DGKE: variants seen among roughly 807,000 people sequenced by gnomAD.
DGKE encodes diacylglycerol kinase epsilon.
In DGKE, 53 loss-of-function variants were observed where a neutral mutation model predicts 70.0. That is an observed-to-expected ratio of 0.76 (90% CI 0.61 to 0.95). The LOEUF is 0.95. Ranked by LOEUF, DGKE falls within the 40% of genes least tolerant of loss-of-function variation. The pLI is 0.00. For missense variants in DGKE, 655 were observed against 706.9 expected (o/e 0.93, Z 0.83); for synonymous variants, 291 against 257.0 (o/e 1.13, Z -1.27).
At position 56,844,023 on chromosome 17, in the gene DGKE, A is replaced by G. The variant is rs1907143226; in HGVS notation, c.469A>G (p.Ile157Val). The G allele has an allele frequency of 1.3e-6, 2 of 1,538,352 alleles. No homozygotes were observed. Among genetic ancestry groups the G allele is most frequent in the Non-Finnish European group, 1.7e-6 (2 of 1,150,450 alleles). Residue 157 changes from isoleucine (I) to valine (V), a missense_variant, in exon 3 of 12, where the codon ATT becomes GTT. Coordinates refer to ENST00000284061, the MANE Select transcript of DGKE (RefSeq NM_003647.3). ...CTTGTTTCTTCCTTCCCTCAGGTGCATTTGGTGCCAGAAAACAGTACATGA... is the reference window on the plus strand; with the variant it reads ...CTTGTTTCTTCCTTCCCTCAGGTGCGTTTGGTGCCAGAAAACAGTACATGA... ...CQPKLCDYRC[I>V]WCQKTVHDEC...
intron 8 of DGKE, among the ~76,000 whole-genome samples, chr17:56,857,539 C>T (rs539590786): frequency 1.3e-5 from 2 of 152,192 alleles, no homozygotes; most frequent in South Asian, 2.1e-4. Flanking sequence ...AAATAGTTCC[C>T]TTTTATTAAT....
intron 7 of DGKE, among the ~76,000 whole-genome samples, chr17:56,853,504 A>C (rs1458926933): frequency 6.6e-6 from 1 of 152,084 alleles, no homozygotes; most frequent in Non-Finnish European, 1.5e-5. Flanking sequence ...GTTGATTTTC[A>C]TTGTTCTGCA....
intron 2 of DGKE, among the ~76,000 whole-genome samples, chr17:56,842,291 C>G (rs62072685): frequency 1.5e-4 from 23 of 152,030 alleles, no homozygotes; most frequent in Non-Finnish European, 3.1e-4. Context: ...ACAAGTAGTT[C>G]ATGTTTATAT....
chr17:56,861,786 T>G lies in DGKE; in HGVS notation c.1285-5T>G, dbSNP rs755954770. 2 of 1,611,216 alleles carry G rather than the reference T, an allele frequency of 1.2e-6. No individual in the cohort carries two copies. Among genetic ancestry groups the G allele is most frequent in the Non-Finnish European group, 1.7e-6 (2 of 1,179,396 alleles). ...TAGTCACTATCTATTTGTATTTCTT[T>G]AAAGCTAGAACTGGATGGTGAGCGA... On this transcript the variant is annotated splice_region_variant and splice_polypyrimidine_tract_variant and intron_variant, in intron 9 of 11. Transcript: ENST00000284061.
At chr17:56,848,639 T>C (rs1907456729) in intron 5 of DGKE, 57 bp from the exon 6 acceptor site, 8 of 1,570,192 alleles carry the variant, frequency 5.1e-6, no homozygotes, top group South Asian at 4.5e-5. Flanking sequence ...TTACAAAATA[T>C]TATTACCCAG....
At chr17:56,849,432 C>A (rs1411429946) in intron 7 of DGKE, among the ~76,000 whole-genome samples, 200 bp downstream of exon 7, 1 of 152,094 alleles carries the variant, frequency 6.6e-6, no homozygotes, top group Non-Finnish European at 1.5e-5. Flanking sequence ...CTTAGTTCTG[C>A]CCTAGCTGAG....
chr17:56,837,299 A>G (rs942905468), intron 2 of DGKE, among the ~76,000 whole-genome samples: 22 of 152,120 alleles, frequency 1.4e-4, no homozygotes, highest in Non-Finnish European at 2.9e-5. Flanking sequence ...TGGTTTTAAC[A>G]GGCCCTACAG....
chr17:56,848,918 G>T (rs555687197), intron 6 of DGKE, 65 bp downstream of exon 6: 1 of 1,586,302 alleles, frequency 6.3e-7, no homozygotes, highest in East Asian at 2.2e-5. Context: ...AACAAGTGAA[G>T]ACTTGTGTAG....
intron 7 of DGKE, 109 bp from the exon 8 acceptor site, chr17:56,856,403 G>A (rs1266155694): frequency 8.0e-7 from 1 of 1,243,524 alleles, no homozygotes; most frequent in Non-Finnish European, 1.1e-6. Context: ...AGTAAATGCA[G>A]AAAGCATCTC....
chr17:56,859,198 G>A (rs184520120), intron 9 of DGKE, among the ~76,000 whole-genome samples: 1,657 of 150,976 alleles, frequency 0.011, 32 homozygotes, highest in African/African-American at 0.038. Context: ...GGTGGCGGGC[G>A]CCTGTAGTCC....
At position 56,856,494 on chromosome 17, in the gene DGKE, T is replaced by C. The variant is rs1042383633; in HGVS notation, c.1099-18T>C. On this transcript the variant is annotated intron_variant, in intron 7 of 11. Transcript: ENST00000284061. ...GGTGGAACCATAGTCTGTTGCTTAT[T>C]CTTACCCTTTCTCACAGGAATTCAC... 6 of 1,609,324 alleles carry C rather than the reference T, an allele frequency of 3.7e-6. No homozygotes were observed. The highest frequency in any genetic ancestry group is 4.2e-6 in the Non-Finnish European group (5 of 1,177,662).
chr17:56,852,983 T>C (rs1258689993), intron 7 of DGKE, among the ~76,000 whole-genome samples: 2 of 152,226 alleles, frequency 1.3e-5, no homozygotes. Flanking sequence ...CCCATGAGCA[T>C]TTCCTCTGAG....
intron 8 of DGKE, among the ~76,000 whole-genome samples, chr17:56,857,522 A>G (rs1423424415): frequency 2.0e-5 from 3 of 152,182 alleles, no homozygotes; most frequent in Admixed American, 6.5e-5. Flanking sequence ...AAATATTTCA[A>G]ATTTTGAAAT....
Position 56,853,718 on chromosome 17 carries a change from C to G in DGKE, c.1099-2794C>G, listed in dbSNP as rs1421798962. 3.9e-5 allele frequency among the ~76,000 whole-genome samples: 6 copies of G among 152,206 alleles called. No individual in the cohort carries two copies. In the Middle Eastern group the frequency reaches 0.01, roughly 259 times the overall value. On this transcript the variant is annotated intron_variant, in intron 7 of 11. Coordinates refer to ENST00000284061, the MANE Select transcript of DGKE (RefSeq NM_003647.3). The stretch of plus-strand genomic sequence containing the variant: ...GAATCCTTATACACTATTGGCATTG[C>G]AAATTAGTACAACCATTTTGGGAAA...
Position 56,834,791 on chromosome 17 carries a change from A to G in DGKE, c.-5A>G. 1 of 1,595,966 alleles carries G rather than the reference A, an allele frequency of 6.3e-7. No homozygotes were observed. Among genetic ancestry groups the G allele is most frequent in the South Asian group, 1.1e-5 (1 of 89,314 alleles). On this transcript the variant is annotated 5_prime_UTR_variant, in exon 2 of 12. Coordinates refer to ENST00000284061, the MANE Select transcript of DGKE (RefSeq NM_003647.3). ...TTTTCTGGTTAGGTATCGTCCTTGG[A>G]GAAGATGGAAGCGGAGAGGCGGCCG...
chr17:56,835,306 T>G (rs1906536779), intron 2 of DGKE, 47 bp downstream of exon 2: 1 of 1,552,682 alleles, frequency 6.4e-7, no homozygotes, highest in Admixed American at 1.8e-5. Context: ...GCCGTGGGAA[T>G]CAGGATTTCA....
chr17:56,841,631 T>C (rs911092162), intron 2 of DGKE, among the ~76,000 whole-genome samples: 5 of 152,218 alleles, frequency 3.3e-5, no homozygotes, highest in South Asian at 2.1e-4. Context: ...ATGGGCACTT[T>C]CATGCACTCG....
chr17:56,858,678 C>T lies in DGKE; in HGVS notation c.1284+13C>T, dbSNP rs754272441. On this transcript the variant is annotated intron_variant, in intron 9 of 11. Transcript: ENST00000284061. Reference sequence around the variant, plus strand: ...TAAAAAAGTTGAGGTAAGCTATTAACACTTTTTATTTTTTAAAGTTTTAGG... The same window carrying T: ...TAAAAAAGTTGAGGTAAGCTATTAATACTTTTTATTTTTTAAAGTTTTAGG... 9.4e-5 allele frequency: 148 copies of T among 1,568,976 alleles called. No individual in the cohort carries two copies. Among genetic ancestry groups the T allele is most frequent in the Non-Finnish European group, 1.2e-4 (139 of 1,154,890 alleles).
At chr17:56,843,179 T>G (rs1465463453) in intron 2 of DGKE, among the ~76,000 whole-genome samples, 1 of 152,224 alleles carries the variant, frequency 6.6e-6, no homozygotes, top group Non-Finnish European at 1.5e-5. Flanking sequence ...CTTTTGTTTA[T>G]GTGGATCATA....
Sources: allele counts gnomAD v4.1 joint callset (sites outside exome capture counted in the v4.1 genomes callset), GRCh38; gene constraint gnomAD v4.1.1; transcripts MANE v1.5; gene names NCBI Gene and HGNC (gene_info 2026-07-23, HGNC 2026-07-21).